The following AFF1 variants were observed in gnomAD, a reference collection of about 807,000 sequenced individuals.
AFF1 encodes the protein ALF transcription elongation factor 1.
AFF1 carries 48 observed loss-of-function variants against 121.7 expected under a neutral mutation model. The observed-to-expected ratio is 0.39, with a 90% confidence interval of 0.31 to 0.50. The LOEUF is 0.50. AFF1 is among the 20% of genes least tolerant of loss of function. The pLI, the probability that AFF1 is intolerant of heterozygous loss-of-function variation, is 0.76. For synonymous variants in AFF1, 613 were observed against 563.0 expected, an observed-to-expected ratio of 1.09 and a Z score of -1.26; for missense variants, 1,523 against 1,511.7, an observed-to-expected ratio of 1.01 and a Z score of -0.12.
chr4:87,118,223 A>C (rs970386346), intron 12 of AFF1, among the ~76,000 whole-genome samples: 4 of 152,226 alleles, frequency 2.6e-5, no homozygotes, highest in Non-Finnish European at 5.9e-5. Context: ...TTCAGACTTA[A>C]AAGTGTATGA....
intron 2 of AFF1, among the ~76,000 whole-genome samples, chr4:86,978,458 A>G (rs967404022): frequency 3.9e-5 from 6 of 152,110 alleles, no homozygotes; most frequent in Non-Finnish European, 8.8e-5. Flanking sequence ...CTGGGATTAT[A>G]GGTGTGAGCC....
intron 2 of AFF1, among the ~76,000 whole-genome samples, chr4:86,972,850 T>C (rs1452511585): frequency 1.3e-5 from 2 of 152,206 alleles, no homozygotes. Flanking sequence ...TAATATTATT[T>C]AGATTTATTC....
chr4:87,087,727 A>C (rs536820659), intron 5 of AFF1, among the ~76,000 whole-genome samples: 1 of 152,376 alleles, frequency 6.6e-6, no homozygotes, highest in South Asian at 2.1e-4. Context: ...GAATTTATGT[A>C]CTTTCCAACT....
At chr4:87,125,300 C>T (rs1728124603) in intron 13 of AFF1, 157 bp downstream of exon 13, 3 of 457,990 alleles carry the variant, frequency 6.6e-6, no homozygotes, top group Non-Finnish European at 1.2e-5. Context: ...TTCTTGCATC[C>T]ATGAGGACCT....
chr4:87,006,994 T>C, intron 2 of AFF1: 1 of 1,080,464 alleles, frequency 9.3e-7, no homozygotes, highest in Non-Finnish European at 1.1e-6. Context: ...CAGAGGCAAT[T>C]TCTTTTCCTT....
At chr4:87,099,576 T>A (rs1261741632) in intron 8 of AFF1, among the ~76,000 whole-genome samples, 1 of 152,106 alleles carries the variant, frequency 6.6e-6, no homozygotes, top group Non-Finnish European at 1.5e-5. Flanking sequence ...ACCTGGCTAA[T>A]TTTTGTATTT....
chr4:87,123,694 G>C (rs1727943761), intron 12 of AFF1, among the ~76,000 whole-genome samples: 1 of 152,022 alleles, frequency 6.6e-6, no homozygotes, highest in Non-Finnish European at 1.5e-5. Context: ...TTTTTTTTCT[G>C]TTTTCTATTA....
intron 2 of AFF1, among the ~76,000 whole-genome samples, chr4:87,010,686 C>A (rs1237081487): frequency 6.6e-6 from 1 of 152,196 alleles, no homozygotes; most frequent in Middle Eastern, 3.2e-3. Flanking sequence ...AAAAGGAGGA[C>A]TTTGCCTGAT....
chr4:86,971,262 G>A (rs1722926084), intron 2 of AFF1, among the ~76,000 whole-genome samples: 1 of 151,778 alleles, frequency 6.6e-6, no homozygotes. Flanking sequence ...GTTTTTCAGA[G>A]GAAGCTATCT....
intron 4 of AFF1, among the ~76,000 whole-genome samples, chr4:87,057,185 C>A (rs563886194): frequency 1.2e-4 from 18 of 152,136 alleles, no homozygotes; most frequent in African/African-American, 4.3e-4. Context: ...AAGCAAGACA[C>A]GGAGGGAAAT....
intron 2 of AFF1, among the ~76,000 whole-genome samples, chr4:87,036,010 C>T (rs188382415): frequency 7.2e-4 from 110 of 152,224 alleles, no homozygotes; most frequent in African/African-American, 2.5e-3. Flanking sequence ...ATGAGGCCAG[C>T]ACTCTGGTTG....
chr4:87,085,020 G>A (rs991916449), intron 5 of AFF1, among the ~76,000 whole-genome samples: 8 of 152,336 alleles, frequency 5.3e-5, no homozygotes, highest in Middle Eastern at 3.4e-3. Context: ...ATAGTGGGAA[G>A]TAGATGGTCA....
chr4:87,119,960 G>T (rs1727518074), intron 12 of AFF1, among the ~76,000 whole-genome samples: 1 of 152,098 alleles, frequency 6.6e-6, no homozygotes, highest in African/African-American at 2.4e-5. Flanking sequence ...TCTTTTCTTG[G>T]GTTATTGCTC....
chr4:86,954,266 A>G (rs1721583969), intron 2 of AFF1, among the ~76,000 whole-genome samples: 1 of 152,238 alleles, frequency 6.6e-6, no homozygotes, highest in Admixed American at 6.5e-5. Context: ...GTTTAGGGGT[A>G]AAATATCTAC....
intron 4 of AFF1, among the ~76,000 whole-genome samples, chr4:87,059,433 A>G (rs772119890): frequency 3.9e-5 from 6 of 152,190 alleles, no homozygotes; most frequent in Non-Finnish European, 5.9e-5. Flanking sequence ...ATAAACATTC[A>G]TAGCTTCTCC....
At chr4:87,102,880 A>G (rs904395274) in intron 8 of AFF1, among the ~76,000 whole-genome samples, 4 of 152,208 alleles carry the variant, frequency 2.6e-5, no homozygotes, top group South Asian at 4.1e-4. Flanking sequence ...CATTTTTCAC[A>G]TTCAACGACT....
intron 4 of AFF1, among the ~76,000 whole-genome samples, chr4:87,054,383 A>G (rs369490464): frequency 1.6e-4 from 25 of 152,332 alleles, no homozygotes; most frequent in East Asian, 1.5e-3. Flanking sequence ...ACGTCAGAGT[A>G]GCCTTGGGAG....
chr4:87,126,142 C>A lies in AFF1; in HGVS notation c.2617C>A (p.Pro873Thr). 1.9e-6 allele frequency: 3 copies of A among 1,614,148 alleles called. No homozygotes were observed. The highest frequency in any genetic ancestry group is 2.5e-6 in the Non-Finnish European group (3 of 1,180,008). ...SSQSSKKEML[P>T]PPPVSSSSQK... ...ACAGTCCTCAAAGAAGGAAATGCTC[C>A]CCCCGCCACCCGTGTCCTCGTCCTC... The change falls in exon 14 of 21, where the codon CCC becomes ACC. Residue 873 changes from proline to threonine, a missense_variant. Coordinates refer to ENST00000395146, the MANE Select transcript of AFF1 (RefSeq NM_001166693.3).
intron 18 of AFF1, 102 bp from the exon 19 acceptor site, chr4:87,132,169 G>A (rs1728890985): frequency 1.4e-6 from 2 of 1,399,496 alleles, no homozygotes; most frequent in African/African-American, 1.5e-5. Context: ...ACTCACACAG[G>A]TGAGGCAAAC....
Sources: allele counts gnomAD v4.1 joint callset (sites outside exome capture counted in the v4.1 genomes callset), GRCh38; gene constraint gnomAD v4.1.1; transcripts MANE v1.5; gene names NCBI Gene and HGNC (gene_info 2026-07-23, HGNC 2026-07-21).